Variants in NAA16 observed in about 807,000 individuals in gnomAD.
NAA16 encodes the protein NARG1-like protein.
NAA16 carries 97 observed loss-of-function variants against 110.3 expected under a neutral mutation model. The observed-to-expected ratio is 0.88, with a 90% confidence interval of 0.75 to 1.04. The LOEUF is 1.04. Ranked by LOEUF, NAA16 falls within the 50% of genes least tolerant of loss-of-function variation. NAA16 has a pLI of 0.00. For missense variants in NAA16, 1,017 were observed against 1,005.1 expected, an observed-to-expected ratio of 1.01 and a Z score of -0.16; for synonymous variants, 372 against 330.6, an observed-to-expected ratio of 1.13 and a Z score of -1.36.
intron 8 of NAA16, among the ~76,000 whole-genome samples, chr13:41,333,983 A>G (rs2042310346): frequency 6.6e-6 from 1 of 152,118 alleles, no homozygotes; most frequent in African/African-American, 2.4e-5. Context: ...TAGGCTTTCA[A>G]GGTCATCATC....
chr13:41,345,040 C>T (rs2042644599), intron 9 of NAA16, among the ~76,000 whole-genome samples: 2 of 152,196 alleles, frequency 1.3e-5, no homozygotes, highest in Non-Finnish European at 2.9e-5. Context: ...GCAATTGTAG[C>T]ATGAATCAGT....
intron 15 of NAA16, among the ~76,000 whole-genome samples, chr13:41,369,985 T>C (rs2043284928): frequency 6.6e-6 from 1 of 152,194 alleles, no homozygotes; most frequent in Non-Finnish European, 1.5e-5. Context: ...GTCCATTACA[T>C]ATGGAATCAT....
Position 41,369,073 on chromosome 13 carries a change from C to A in NAA16, c.1754-17C>A. 4.5e-6 allele frequency: 7 copies of A among 1,547,610 alleles called. No individual in the cohort carries two copies. Among genetic ancestry groups the A allele is most frequent in the Middle Eastern group, 3.5e-4 (2 of 5,658 alleles). On this transcript the variant is annotated splice_polypyrimidine_tract_variant and intron_variant, in intron 14 of 19. Coordinates refer to ENST00000379406, the MANE Select transcript of NAA16 (RefSeq NM_024561.5). ...GCAAACATTGGCTCAGAATTTTGTT[C>A]ATTTGGATATTTATAGAAAACTTGT...
chr13:41,362,919 C>T, intron 13 of NAA16: 1 of 1,126,642 alleles, frequency 8.9e-7, no homozygotes, highest in Non-Finnish European at 1.1e-6. Context: ...GCCTTTTTCC[C>T]ACGTGAAATT....
intron 10 of NAA16, among the ~76,000 whole-genome samples, chr13:41,355,645 G>T (rs1264805079): frequency 6.6e-6 from 1 of 152,066 alleles, no homozygotes; most frequent in African/African-American, 2.4e-5. Flanking sequence ...GGCCAGGCTG[G>T]TCTCGAATAC....
At chr13:41,357,166 A>G (rs1001744853) in intron 10 of NAA16, among the ~76,000 whole-genome samples, 10 of 152,178 alleles carry the variant, frequency 6.6e-5, no homozygotes, top group African/African-American at 2.2e-4. Flanking sequence ...ACAAAAAATT[A>G]AAATATTAGC....
intron 16 of NAA16, 97 bp from the exon 17 acceptor site, chr13:41,372,634 GT>G (rs2043344755): frequency 7.5e-7 from 1 of 1,337,278 alleles, no homozygotes; most frequent in East Asian, 2.8e-5. Context: ...TATAAAAAAG[GT>G]AGCATTTTGT....
rs748440346 is a variant in NAA16, at chr13:41,361,894, G to A, written c.1411-137G>A. The A allele has an allele frequency of 1.4e-4, 134 of 937,064 alleles. No individual in the cohort carries two copies. In the Middle Eastern group the frequency reaches 1.5e-3, roughly 10 times the overall value. 58.0% of individuals were successfully genotyped at this position (937,064 alleles called of 1,614,324 possible). ...AGAGACTATTGTAGTATAAAACCAT[G>A]TTTGGAAACATACTGATATATTTGC... On this transcript the variant is annotated intron_variant, in intron 12 of 19. Transcript: ENST00000379406.
chr13:41,334,351 A>T (rs2042321962), intron 8 of NAA16, among the ~76,000 whole-genome samples: 1 of 152,232 alleles, frequency 6.6e-6, no homozygotes, highest in Non-Finnish European at 1.5e-5. Context: ...TAATCAGTTC[A>T]TCATGTTCCA....
intron 9 of NAA16, among the ~76,000 whole-genome samples, chr13:41,336,981 TAC>T (rs1757569787): frequency 6.6e-6 from 1 of 152,204 alleles, no homozygotes; most frequent in South Asian, 2.1e-4. Flanking sequence ...TTAATAGGTA[TAC>T]TTTTTTTTAG....
intron 19 of NAA16, 110 bp downstream of exon 19, chr13:41,374,949 C>G (rs2043399853): frequency 1.5e-6 from 1 of 660,592 alleles, no homozygotes; most frequent in Non-Finnish European, 2.6e-6. Context: ...GATGTTAATC[C>G]CAGCTCTATC....
At chr13:41,368,482 A>G (rs1408889485) in intron 14 of NAA16, among the ~76,000 whole-genome samples, 3 of 152,178 alleles carry the variant, frequency 2.0e-5, no homozygotes, top group Admixed American at 1.3e-4. Context: ...AGTTAATGCA[A>G]CATTTACTGG....
intron 1 of NAA16, among the ~76,000 whole-genome samples, chr13:41,312,432 A>G (rs9525471): frequency 0.62 from 94,135 of 151,974 alleles, 32,256 homozygotes; most frequent in South Asian, 0.76. Flanking sequence ...GTAGCTTTCC[A>G]GGTTCTGTTC....
chr13:41,372,674 G>A (rs1002328355), intron 16 of NAA16, 58 bp from the exon 17 acceptor site: 3 of 1,451,074 alleles, frequency 2.1e-6, no homozygotes, highest in Non-Finnish European at 2.7e-6. Flanking sequence ...CTGAAATAAA[G>A]TGAGGAAAAT....
At chr13:41,338,805 T>G (rs1031284549) in intron 9 of NAA16, among the ~76,000 whole-genome samples, 8 of 152,222 alleles carry the variant, frequency 5.3e-5, no homozygotes, top group Non-Finnish European at 1.0e-4. Flanking sequence ...AGGTGGTGTT[T>G]GGTTACACAG....
At chr13:41,367,273 C>A (rs2043224318) in intron 13 of NAA16, among the ~76,000 whole-genome samples, 166 bp from the exon 14 acceptor site, 1 of 151,870 alleles carries the variant, frequency 6.6e-6, no homozygotes, top group African/African-American at 2.4e-5. Flanking sequence ...AAGTTGAATG[C>A]CAAAAATAAT....
chr13:41,333,187 TAAA>T (rs996146435), intron 8 of NAA16, among the ~76,000 whole-genome samples: 4 of 152,176 alleles, frequency 2.6e-5, no homozygotes, highest in African/African-American at 9.7e-5. Flanking sequence ...TTTTCCCTAA[TAAA>T]AGTGTCTTGT....
intron 18 of NAA16, 79 bp from the exon 19 acceptor site, chr13:41,374,663 T>C: frequency 2.1e-6 from 2 of 948,584 alleles, no homozygotes; most frequent in East Asian, 4.9e-5. Flanking sequence ...AAACCATATT[T>C]GAAGTCACTG....
At chr13:41,372,992 A>G (rs931205165) in intron 17 of NAA16, 162 bp downstream of exon 17, 12 of 796,770 alleles carry the variant, frequency 1.5e-5, no homozygotes, top group Non-Finnish European at 1.8e-5. Flanking sequence ...TCATGGCCCA[A>G]GCTGTCAGTG....
Sources: allele counts gnomAD v4.1 joint callset (sites outside exome capture counted in the v4.1 genomes callset), GRCh38; gene constraint gnomAD v4.1.1; transcripts MANE v1.5; gene names NCBI Gene and HGNC (gene_info 2026-07-23, HGNC 2026-07-21).